Variants in EPM2A observed in about 807,000 individuals in gnomAD.
The protein encoded by EPM2A is laforin.
Under a neutral mutation model 26.5 loss-of-function variants are expected in EPM2A, and 21 were observed. The observed-to-expected ratio is 0.79, with a 90% CI of 0.56 to 1.14. The LOEUF (loss-of-function observed/expected upper bound fraction) is 1.14. EPM2A is among the 50% of genes most tolerant of loss of function. The pLI is 0.00. For synonymous variants in EPM2A, 217 were observed against 177.6 expected (o/e 1.22, Z -1.76); for missense variants, 458 against 440.8 (o/e 1.04, Z -0.35).
chr6:145,589,630 T>C (rs1781242290), intron 2 of EPM2A, among the ~76,000 whole-genome samples: 1 of 152,156 alleles, frequency 6.6e-6, no homozygotes, highest in Non-Finnish European at 1.5e-5. Context: ...GTTTTACCAA[T>C]TGTTTAATGT....
At chr6:145,414,569 T>C (rs951160507) in intron 4 of EPM2A, among the ~76,000 whole-genome samples, 2 of 152,160 alleles carry the variant, frequency 1.3e-5, no homozygotes, top group Admixed American at 6.5e-5. Context: ...CTTTGAAATA[T>C]TAAGAGGAAT....
intron 2 of EPM2A, among the ~76,000 whole-genome samples, chr6:145,595,241 C>A (rs1284396123): frequency 6.6e-6 from 1 of 151,636 alleles, no homozygotes; most frequent in African/African-American, 2.4e-5. Context: ...TTTGATATGA[C>A]CTTCTGCTCT....
chr6:145,535,683 A>C (rs1445722854), intron 2 of EPM2A, among the ~76,000 whole-genome samples: 1 of 152,246 alleles, frequency 6.6e-6, no homozygotes, highest in Admixed American at 6.5e-5. Context: ...CAGTGAGGTA[A>C]AGTAGATCCA....
intron 1 of EPM2A, among the ~76,000 whole-genome samples, chr6:145,713,764 T>C (rs746934080): frequency 3.3e-5 from 5 of 152,260 alleles, no homozygotes; most frequent in Non-Finnish European, 7.4e-5. Flanking sequence ...TAAAAACATA[T>C]GTTCACACAA....
At chr6:145,485,253 G>A (rs1292877937) in intron 4 of EPM2A, among the ~76,000 whole-genome samples, 1 of 152,006 alleles carries the variant, frequency 6.6e-6, no homozygotes, top group Non-Finnish European at 1.5e-5. Context: ...TGAGAGTAGT[G>A]TCATGGAAAA....
chr6:145,644,415 A>G (rs1391301105), intron 2 of EPM2A, among the ~76,000 whole-genome samples: 1 of 152,164 alleles, frequency 6.6e-6, no homozygotes, highest in Non-Finnish European at 1.5e-5. Context: ...TCCTGATAGA[A>G]GCCTAAAATT....
intron 2 of EPM2A, chr6:145,638,384 A>C (rs1176914269): frequency 2.0e-5 from 3 of 152,212 alleles, no homozygotes; most frequent in Non-Finnish European, 2.9e-5. Flanking sequence ...TTGCTAAAAG[A>C]GGTGTTATTC....
intron 1 of EPM2A, among the ~76,000 whole-genome samples, chr6:145,711,894 A>C (rs919728581): frequency 2.0e-5 from 3 of 152,168 alleles, no homozygotes; most frequent in African/African-American, 7.2e-5. Flanking sequence ...ACAGGTTTCA[A>C]AATTTTTTGG....
intron 2 of EPM2A, among the ~76,000 whole-genome samples, chr6:145,677,032 C>T (rs975536924): frequency 6.6e-5 from 10 of 152,148 alleles, no homozygotes; most frequent in Admixed American, 6.6e-4. Flanking sequence ...CAAAAATCCT[C>T]AGTAAAATAC....
At chr6:145,492,920 G>A (rs1343720961) in intron 4 of EPM2A, among the ~76,000 whole-genome samples, 3 of 152,212 alleles carry the variant, frequency 2.0e-5, no homozygotes, top group Non-Finnish European at 4.4e-5. Context: ...AGGAATGCAT[G>A]TTCTCACTTT....
At chr6:145,531,668 C>T (rs1297544058) in intron 2 of EPM2A, among the ~76,000 whole-genome samples, 1 of 152,074 alleles carries the variant, frequency 6.6e-6, no homozygotes. Context: ...AGCTAAGACC[C>T]AACCCGGTAC....
At chr6:145,490,782 C>T (rs1484757270) in intron 4 of EPM2A, 5 of 567,764 alleles carry the variant, frequency 8.8e-6, no homozygotes, top group African/African-American at 7.5e-5. Flanking sequence ...TGACGTTCCA[C>T]AGTTTCGATA....
chr6:145,546,360 C>A (rs1356908167), intron 2 of EPM2A, among the ~76,000 whole-genome samples: 1 of 152,144 alleles, frequency 6.6e-6, no homozygotes, highest in African/African-American at 2.4e-5. Flanking sequence ...TCTTCCTTTT[C>A]TCTGCCTTTG....
At chr6:145,652,110 C>A (rs1050771330) in intron 2 of EPM2A, among the ~76,000 whole-genome samples, 2 of 152,118 alleles carry the variant, frequency 1.3e-5, no homozygotes, top group Non-Finnish European at 2.9e-5. Context: ...AAAGCCTGTA[C>A]AGCTATTACC....
At chr6:145,453,960 T>C (rs1357806929) in intron 4 of EPM2A, among the ~76,000 whole-genome samples, 4 of 152,214 alleles carry the variant, frequency 2.6e-5, no homozygotes, top group Non-Finnish European at 5.9e-5. Context: ...ATATTTAAAA[T>C]AAGAAGAAAG....
chr6:145,671,401 T>G, intron 2 of EPM2A: 2 of 992,660 alleles, frequency 2.0e-6, no homozygotes, highest in Non-Finnish European at 2.4e-6. Flanking sequence ...TCCCTGGATC[T>G]GAAAGCAGAG....
At chr6:145,529,158 G>C (rs1217140560) in intron 2 of EPM2A, among the ~76,000 whole-genome samples, 1 of 152,104 alleles carries the variant, frequency 6.6e-6, no homozygotes, top group Non-Finnish European at 1.5e-5. Context: ...ACTACTCCTG[G>C]TGGAAATGCT....
intron 2 of EPM2A, among the ~76,000 whole-genome samples, chr6:145,598,850 T>A (rs1781381963): frequency 6.6e-6 from 1 of 152,214 alleles, no homozygotes; most frequent in Non-Finnish European, 1.5e-5. Flanking sequence ...CAGAATAATT[T>A]ATTGAATAGT....
At chr6:145,481,744 A>C (rs557804219) in intron 4 of EPM2A, among the ~76,000 whole-genome samples, 1 of 152,284 alleles carries the variant, frequency 6.6e-6, no homozygotes, top group African/African-American at 2.4e-5. Flanking sequence ...TTTTGTGATA[A>C]TTTATTATAT....
Sources: allele counts gnomAD v4.1 joint callset (sites outside exome capture counted in the v4.1 genomes callset), GRCh38; gene constraint gnomAD v4.1.1; transcripts MANE v1.5; gene names NCBI Gene and HGNC (gene_info 2026-07-23, HGNC 2026-07-21).